LMBR1: variants seen among roughly 807,000 people sequenced by gnomAD.
The protein encoded by LMBR1 is limb region 1 protein homolog.
In LMBR1, 52 loss-of-function variants were observed where a neutral mutation model predicts 73.9. The observed-to-expected ratio is 0.70, with a 90% CI of 0.56 to 0.89. The LOEUF (loss-of-function observed/expected upper bound fraction) is 0.89, where lower values mean the gene tolerates loss of function less well. Ranked by LOEUF, LMBR1 falls within the 40% of genes least tolerant of loss-of-function variation. The probability of loss-of-function intolerance (pLI) is 0.00; values close to 1 mark genes in which losing one functional copy is unlikely to be tolerated. For synonymous variants in LMBR1, 215 were observed against 209.4 expected, an observed-to-expected ratio of 1.03 and a Z score of -0.23; for missense variants, 539 against 579.8, an observed-to-expected ratio of 0.93 and a Z score of 0.72.
intron 5 of LMBR1, among the ~76,000 whole-genome samples, chr7:156,775,781 CT>C (rs1478666352): frequency 6.6e-6 from 1 of 151,522 alleles, no homozygotes; most frequent in Non-Finnish European, 1.5e-5. Context: ...TTAATTTTTT[CT>C]TAAGAAGTAA....
intron 1 of LMBR1, among the ~76,000 whole-genome samples, chr7:156,886,051 A>G (rs1398046561): frequency 3.3e-5 from 5 of 151,648 alleles, no homozygotes; most frequent in African/African-American, 1.2e-4. Flanking sequence ...AAAAAAGAAA[A>G]AAAAAAAAAA....
rs1835240752 is a variant in LMBR1, at chr7:156,824,096, CAACA to C, written c.319+2505_319+2508del. On this transcript the variant is annotated intron_variant, in intron 4 of 16. Transcript: ENST00000353442. The stretch of plus-strand genomic sequence containing the variant: ...CAGAGAGAGACTCCATCTCAAAAAA[CAACA>C]ACAACAACAACAACAACAACAACAA... 6.4e-4 allele frequency among the ~76,000 whole-genome samples: 27 copies of C among 42,212 alleles called. No individual in the cohort carries two copies. In the South Asian group the frequency reaches 0.015, roughly 24 times the overall value. 27.7% of individuals were successfully genotyped at this position (42,212 alleles called of 152,430 possible).
At chr7:156,830,865 A>G (rs771707365) in intron 3 of LMBR1, among the ~76,000 whole-genome samples, 6 of 152,238 alleles carry the variant, frequency 3.9e-5, no homozygotes, top group Non-Finnish European at 8.8e-5. Context: ...CTCCCGTGCC[A>G]GGACTGTGCT....
At chr7:156,887,708 C>T (rs914071473) in intron 1 of LMBR1, among the ~76,000 whole-genome samples, 3 of 152,082 alleles carry the variant, frequency 2.0e-5, no homozygotes, top group Admixed American at 6.6e-5. Flanking sequence ...TCAAAGGACA[C>T]TAGCAATAGA....
chr7:156,867,340 T>C (rs1180474730), intron 1 of LMBR1, among the ~76,000 whole-genome samples: 1 of 152,234 alleles, frequency 6.6e-6, no homozygotes, highest in East Asian at 1.9e-4. Flanking sequence ...GTAGCAACTT[T>C]GGAAAACAGG....
chr7:156,691,761 A>G (rs10949600), intron 15 of LMBR1, among the ~76,000 whole-genome samples: 5,135 of 152,294 alleles, frequency 0.034, 135 homozygotes, highest in Non-Finnish European at 0.044. Flanking sequence ...AAACTTATAG[A>G]TTAAATGTTC....
chr7:156,862,057 G>T (rs1010812425), intron 1 of LMBR1, among the ~76,000 whole-genome samples: 1 of 152,088 alleles, frequency 6.6e-6, no homozygotes, highest in African/African-American at 2.4e-5. Context: ...CATTCTCCTG[G>T]TATGAATTTA....
At chr7:156,843,666 C>T (rs927333214) in intron 1 of LMBR1, among the ~76,000 whole-genome samples, 2 of 150,446 alleles carry the variant, frequency 1.3e-5, no homozygotes, top group African/African-American at 4.9e-5. Flanking sequence ...GCCAACATGA[C>T]GAAACCCGGA....
At chr7:156,710,765 G>C (rs1052638053) in intron 15 of LMBR1, among the ~76,000 whole-genome samples, 2 of 152,164 alleles carry the variant, frequency 1.3e-5, no homozygotes, top group African/African-American at 4.8e-5. Context: ...TAAAAGGTAT[G>C]AAACAAAAGC....
At chr7:156,798,072 C>T (rs1160985836) in intron 4 of LMBR1, among the ~76,000 whole-genome samples, 1 of 152,052 alleles carries the variant, frequency 6.6e-6, no homozygotes, top group Non-Finnish European at 1.5e-5. Flanking sequence ...GCATACAGAA[C>T]GATGGCTGCA....
chr7:156,713,447 G>C (rs1012355288), intron 15 of LMBR1, among the ~76,000 whole-genome samples: 1 of 152,180 alleles, frequency 6.6e-6, no homozygotes, highest in Non-Finnish European at 1.5e-5. Flanking sequence ...GTGCCACTCT[G>C]GTGGGAGATG....
At chr7:156,855,399 T>C (rs1013231068) in intron 1 of LMBR1, among the ~76,000 whole-genome samples, 3 of 152,062 alleles carry the variant, frequency 2.0e-5, no homozygotes, top group African/African-American at 4.8e-5. Flanking sequence ...CTTAACACCA[T>C]AGCAATTAGT....
chr7:156,856,230 A>G (rs866083933), intron 1 of LMBR1, among the ~76,000 whole-genome samples: 1 of 152,254 alleles, frequency 6.6e-6, no homozygotes. Flanking sequence ...AGGTAGATAG[A>G]TAGATAGATA....
chr7:156,809,178 T>A (rs1832669023), intron 4 of LMBR1, among the ~76,000 whole-genome samples: 1 of 152,194 alleles, frequency 6.6e-6, no homozygotes, highest in Non-Finnish European at 1.5e-5. Context: ...TAGATATCTA[T>A]CTCCTACCCA....
chr7:156,796,672 T>C lies in LMBR1; in HGVS notation c.320-180A>G, dbSNP rs568919069. ...TAAATTTTTTTAACATTGTAACTTG[T>C]ACCTATTGGGAAAAGTCAGTATAGA... On this transcript the variant is annotated intron_variant, in intron 4 of 16. Coordinates refer to ENST00000353442, the MANE Select transcript of LMBR1 (RefSeq NM_022458.4). 1.3e-4 allele frequency among the ~76,000 whole-genome samples: 20 copies of C among 152,344 alleles called. No homozygotes were observed. In the South Asian group the frequency reaches 4.1e-3, roughly 32 times the overall value.
intron 1 of LMBR1, among the ~76,000 whole-genome samples, chr7:156,864,996 A>C (rs1254654683): frequency 2.5e-5 from 2 of 81,308 alleles, no homozygotes; most frequent in Admixed American, 1.3e-4. Flanking sequence ...ACTCTGTCTC[A>C]AAAAAAAAAA....
intron 1 of LMBR1, among the ~76,000 whole-genome samples, chr7:156,884,090 A>G (rs1249608318): frequency 6.6e-6 from 1 of 152,202 alleles, no homozygotes; most frequent in Non-Finnish European, 1.5e-5. Context: ...ATGTTAGAAA[A>G]TCACTTCAAC....
intron 15 of LMBR1, among the ~76,000 whole-genome samples, chr7:156,693,265 AAAG>A (rs1397289102): frequency 4.0e-4 from 57 of 144,190 alleles, no homozygotes; most frequent in Non-Finnish European, 1.4e-4. Context: ...AGGAATCAGA[AAAG>A]AACAAACTAA....
intron 5 of LMBR1, among the ~76,000 whole-genome samples, chr7:156,790,331 G>A (rs2133305797): frequency 6.6e-6 from 1 of 151,994 alleles, no homozygotes; most frequent in Non-Finnish European, 1.5e-5. Context: ...TTTTAGGTGA[G>A]GCTACTAAAT....
Sources: allele counts gnomAD v4.1 joint callset (sites outside exome capture counted in the v4.1 genomes callset), GRCh38; gene constraint gnomAD v4.1.1; transcripts MANE v1.5; gene names NCBI Gene and HGNC (gene_info 2026-07-23, HGNC 2026-07-21).